Variants in PSMG2 observed in about 807,000 individuals in gnomAD.
PSMG2 encodes CD40 ligand-activated specific transcript 3.
Under a neutral mutation model 31.5 loss-of-function variants are expected in PSMG2, and 21 were observed. That is an observed-to-expected ratio of 0.67 (90% CI 0.47 to 0.96). The LOEUF is 0.96. PSMG2 is among the 40% of genes least tolerant of loss of function. The probability of loss-of-function intolerance (pLI) is 0.00; values close to 1 mark genes in which losing one functional copy is unlikely to be tolerated. For missense variants in PSMG2, 318 were observed against 321.2 expected (o/e 0.99, Z 0.08); for synonymous variants, 120 against 110.4 (o/e 1.09, Z -0.54).
intron 3 of PSMG2, among the ~76,000 whole-genome samples, chr18:12,714,227 C>T (rs998659901): frequency 3.3e-5 from 5 of 152,164 alleles, no homozygotes; most frequent in Non-Finnish European, 7.3e-5. Flanking sequence ...GTTCCAAGTT[C>T]GCAGGAGCCC....
At chr18:12,701,067 C>T (rs2040133884), upstream of PSMG2, 1 of 1,613,396 alleles carries the variant, frequency 6.2e-7, no homozygotes, top group Non-Finnish European at 8.5e-7. Context: ...CAATTCTTCC[C>T]GTATAGTCTC....
chr18:12,721,696 G>C (rs1178104183), intron 5 of PSMG2, among the ~76,000 whole-genome samples: 1 of 151,322 alleles, frequency 6.6e-6, no homozygotes, highest in Non-Finnish European at 1.5e-5. Flanking sequence ...GCTGATTATT[G>C]TTTTTCTATT....
At chr18:12,678,048 A>C (rs2039207385) in intron 1 of PSMG2, 1 of 1,382,650 alleles carries the variant, frequency 7.2e-7, no homozygotes, top group South Asian at 1.3e-5. Flanking sequence ...ACACACCAAA[A>C]AACAGTTAAA....
At position 12,725,452 on chromosome 18, in the gene PSMG2, C is replaced by A. The variant is rs150799705; in HGVS notation, c.716C>A (p.Thr239Lys). The change falls in exon 7 of 7, where the codon ACA (threonine) becomes AAA (lysine). Residue 239 changes from threonine to lysine, a missense_variant. By Grantham distance (78) the Thr-to-Lys change is moderately conservative (BLOSUM62 -1). Transcript: ENST00000317615. ...QILKPLSDDP[T>K]VSASRWKIPS... The stretch of plus-strand genomic sequence containing the variant: ...CTTCAATTACAGAGCGATGACCCCA[C>A]AGTATCTGCCTCACGGTGGAAAATA... The A allele has an allele frequency of 2.0e-4, 322 of 1,594,250 alleles. No homozygotes were observed. In the African/African-American group the frequency reaches 3.9e-3, roughly 19 times the overall value.
intron 2 of PSMG2, among the ~76,000 whole-genome samples, chr18:12,712,003 T>G: frequency 6.6e-6 from 1 of 151,912 alleles, no homozygotes; most frequent in East Asian, 1.9e-4. Context: ...GTGATCCACC[T>G]GCCTCAGCCT....
chr18:12,713,648 C>T (rs1398785029), intron 3 of PSMG2, among the ~76,000 whole-genome samples: 1 of 152,202 alleles, frequency 6.6e-6, no homozygotes, highest in African/African-American at 2.4e-5. Context: ...GCAGACTCTA[C>T]TTGGCCATAT....
At chr18:12,684,370 C>T (rs1297166824) in intron 1 of PSMG2, 1 of 152,092 alleles carries the variant, frequency 6.6e-6, no homozygotes, top group Non-Finnish European at 1.5e-5. Flanking sequence ...CCACCTTGGC[C>T]TACCCAAGTG....
chr18:12,666,720 AT>A (rs780093764), intron 1 of PSMG2, among the ~76,000 whole-genome samples: 16 of 151,610 alleles, frequency 1.1e-4, no homozygotes, highest in East Asian at 7.7e-4. Flanking sequence ...AAGGGGTGGA[AT>A]TACAGGCTTC....
At chr18:12,666,048 G>A (rs2038796315) in intron 1 of PSMG2, among the ~76,000 whole-genome samples, 1 of 151,888 alleles carries the variant, frequency 6.6e-6, no homozygotes, top group South Asian at 2.1e-4. Flanking sequence ...TGGGCACAGT[G>A]GCTCATACTT....
At chr18:12,690,250 TCTGGA>T (rs2039703254) in intron 1 of PSMG2, among the ~76,000 whole-genome samples, 1 of 152,160 alleles carries the variant, frequency 6.6e-6, no homozygotes, top group African/African-American at 2.4e-5. Context: ...AAGCTCCCCA[TCTGGA>T]CACTAAACCA....
chr18:12,673,337 AG>A (rs765503834), intron 1 of PSMG2: 1 of 1,574,088 alleles, frequency 6.4e-7, no homozygotes, highest in South Asian at 1.2e-5. Flanking sequence ...AATTAAACAC[AG>A]GTATAAATCT....
At chr18:12,664,152 C>T (rs908872584) in intron 1 of PSMG2, among the ~76,000 whole-genome samples, 7 of 147,182 alleles carry the variant, frequency 4.8e-5, no homozygotes, top group African/African-American at 1.0e-4. Context: ...GCAACCAGAG[C>T]GAAACTCCAT....
intron 1 of PSMG2, among the ~76,000 whole-genome samples, chr18:12,680,133 T>C (rs2039293913): frequency 6.6e-6 from 1 of 151,758 alleles, no homozygotes; most frequent in Non-Finnish European, 1.5e-5. Flanking sequence ...TTTACCAACA[T>C]CATGTTGGTA....
chr18:12,717,455 A>T (rs1039051070), intron 3 of PSMG2, among the ~76,000 whole-genome samples: 1 of 152,154 alleles, frequency 6.6e-6, no homozygotes, highest in African/African-American at 2.4e-5. Flanking sequence ...CACCTACTTG[A>T]TCTCTCGCTA....
intron 3 of PSMG2, among the ~76,000 whole-genome samples, chr18:12,715,357 C>T (rs1056499410): frequency 1.2e-4 from 18 of 152,034 alleles, no homozygotes; most frequent in African/African-American, 3.9e-4. Flanking sequence ...ACTTTTATAT[C>T]CCCAGCTCAT....
At chr18:12,684,007 A>T (rs975487527) in intron 1 of PSMG2, among the ~76,000 whole-genome samples, 1 of 150,222 alleles carries the variant, frequency 6.7e-6, no homozygotes, top group Non-Finnish European at 1.5e-5. Context: ...GATATATATC[A>T]TATATATGAT....
chr18:12,718,250 C>G (rs907905568), intron 3 of PSMG2, among the ~76,000 whole-genome samples: 16 of 151,960 alleles, frequency 1.1e-4, no homozygotes, highest in African/African-American at 2.4e-5. Flanking sequence ...CTCAGGTGAT[C>G]CGCCTGCCTC....
At chr18:12,682,566 T>C (rs1385461314) in intron 1 of PSMG2, among the ~76,000 whole-genome samples, 4 of 152,152 alleles carry the variant, frequency 2.6e-5, no homozygotes, top group East Asian at 3.9e-4. Flanking sequence ...AGAAAACAAA[T>C]AGCATTTTAT....
chr18:12,723,153 T>G (rs563785553), intron 5 of PSMG2, among the ~76,000 whole-genome samples: 1 of 152,242 alleles, frequency 6.6e-6, no homozygotes, highest in Non-Finnish European at 1.5e-5. Flanking sequence ...TCGGTGCCTT[T>G]CCTTCCTTAG....
Sources: gnomAD v4.1 joint callset for allele counts (sites outside exome capture counted in the v4.1 genomes callset) on GRCh38, gnomAD v4.1.1 for gene constraint, MANE v1.5 for transcripts, NCBI Gene and HGNC (gene_info 2026-07-23, HGNC 2026-07-21) for gene names.